The following RHOG variants were observed in gnomAD, a reference collection of about 807,000 sequenced individuals.
RHOG encodes rho-related GTP-binding protein RhoG.
A neutral mutation model predicts 12.3 loss-of-function variants in RHOG; 1 was observed. That is an observed-to-expected ratio of 0.08 (90% CI 0.03 to 0.39). The LOEUF is 0.39. Ranked by LOEUF, RHOG falls within the 10% of genes least tolerant of loss-of-function variation. The pLI, the probability that RHOG is intolerant of heterozygous loss-of-function variation, is 0.99. For synonymous variants in RHOG, 129 were observed against 116.0 expected (o/e 1.11, Z -0.72); for missense variants, 114 against 266.2 (o/e 0.43, Z 3.98).
At chr11:3,830,591 G>A (rs1171865946) in intron 1 of RHOG, 3 of 151,954 alleles carry the variant, frequency 2.0e-5, no homozygotes, top group Non-Finnish European at 2.9e-5. Context: ...GGGTGGTCAA[G>A]GCTGCAGTGG....
Position 3,827,157 on chromosome 11 carries a change from C to T in RHOG, c.*406G>A, listed in dbSNP as rs554937920. ...GAGAAGGGAGAGAGCATCTTGGGGG[C>T]GCAATTCCAAGAGCAGCGAGGGCAG... On this transcript the variant is annotated 3_prime_UTR_variant, in exon 2 of 2. Coordinates refer to ENST00000351018, the MANE Select transcript of RHOG (RefSeq NM_001665.4). The surrounding 1 kb of genome is among the most constrained non-coding windows in gnomAD (Gnocchi z 7.3). 9 of 203,882 alleles carry T rather than the reference C, an allele frequency of 4.4e-5. No individual in the cohort carries two copies. Among genetic ancestry groups the T allele is most frequent in the East Asian group, 2.4e-4 (2 of 8,370 alleles). 12.6% of individuals were successfully genotyped at this position (203,882 alleles called of 1,614,324 possible). A position where few individuals can be genotyped will look rare whatever the true frequency, so the allele number is the denominator to read the frequency against.
At chr11:3,840,103 T>C (rs1257071172) in intron 1 of RHOG, among the ~76,000 whole-genome samples, 3 of 152,178 alleles carry the variant, frequency 2.0e-5, no homozygotes, top group South Asian at 2.1e-4. Context: ...TGGTTCTCAA[T>C]TGTCCCCAAA....
chr11:3,836,052 TAA>T (rs58765611), intron 1 of RHOG, among the ~76,000 whole-genome samples: 285 of 142,470 alleles, frequency 2.0e-3, no homozygotes, highest in Middle Eastern at 7.1e-3. Context: ...TTCCTAGCCT[TAA>T]AAAAAAAAAA....
chr11:3,839,352 C>T (rs990052820), intron 1 of RHOG, among the ~76,000 whole-genome samples: 4 of 152,130 alleles, frequency 2.6e-5, no homozygotes, highest in Non-Finnish European at 5.9e-5. Flanking sequence ...CTTCCTCCTG[C>T]CTAACCACAA....
intron 1 of RHOG, among the ~76,000 whole-genome samples, chr11:3,840,132 T>C (rs113601847): frequency 1.4e-4 from 21 of 152,250 alleles, no homozygotes; most frequent in African/African-American, 5.1e-4. Context: ...CAAAAACTTG[T>C]CAGGGACTAT....
chr11:3,834,159 G>C lies in RHOG; in HGVS notation c.-68-5953C>G, dbSNP rs568644470. Among the ~76,000 whole-genome samples, 20 of 152,318 alleles carry C rather than the reference G, an allele frequency of 1.3e-4. No homozygotes were observed. In the East Asian group the frequency reaches 3.9e-3, roughly 29 times the overall value. The stretch of plus-strand genomic sequence containing the variant: ...GCTGGTCTTGAACACCTGGCCTCAA[G>C]TGATCCACCTGCCTTGGCCTCTGAA... On this transcript the variant is annotated intron_variant, in intron 1 of 1. Coordinates refer to ENST00000351018, the MANE Select transcript of RHOG (RefSeq NM_001665.4).
rs1279916296 is a variant in RHOG at position 3,830,095 on chromosome 11, G to A, written c.-68-1889C>T. On this transcript the variant is annotated intron_variant, in intron 1 of 1. Transcript: ENST00000351018. ...CTAGGAAGGATGAAGTCAAGAGTAA[G>A]ACAAAAACTTGACTTTCCCCTCAAT... Among the ~76,000 whole-genome samples the A allele has an allele frequency of 5.9e-5, 9 of 152,278 alleles. No individual in the cohort carries two copies. The East Asian group carries it at 1.4e-3, about 23-fold the overall frequency.
rs749209804 is a variant in RHOG, at chr11:3,827,884, G to A, written c.255C>T (p.Ala85=). The A allele has an allele frequency of 1.9e-6, 3 of 1,614,262 alleles. No homozygotes were observed. Among genetic ancestry groups the A allele is most frequent in the Middle Eastern group, 1.6e-4 (1 of 6,062 alleles). ...GCACGTTCTCATAGGACGGCGGACT[G>A]GCAATGGAGAAACAGATGACGAAAA... ...TNVFVICFSI[A]SPPSYENVRH... is the part of the protein sequence containing the mutation. The change falls in exon 2 of 2, where the codon GCC becomes GCT. Residue 85 remains alanine (A), a synonymous_variant. Transcript: ENST00000351018. This position sits in a 1 kb window ranked among gnomAD's most constrained non-coding sequence, Gnocchi z 7.3.
intron 1 of RHOG, among the ~76,000 whole-genome samples, chr11:3,837,223 GGGGTTTCCACAA>G (rs2090163215): frequency 6.6e-6 from 1 of 152,142 alleles, no homozygotes; most frequent in Non-Finnish European, 1.5e-5. Flanking sequence ...GAGGCCTGAG[GGGGTTTCCACAA>G]GGGAAAATAA....
At chr11:3,831,951 C>T (rs1420479357) in intron 1 of RHOG, among the ~76,000 whole-genome samples, 1 of 152,138 alleles carries the variant, frequency 6.6e-6, no homozygotes, top group Non-Finnish European at 1.5e-5. Context: ...TGGTTATCAA[C>T]TAGCAATCAG....
chr11:3,836,163 G>A (rs1404439903), intron 1 of RHOG, among the ~76,000 whole-genome samples: 1 of 151,684 alleles, frequency 6.6e-6, no homozygotes, highest in Non-Finnish European at 1.5e-5. Flanking sequence ...AACCAGCCTG[G>A]CCAACATGGT....
rs746656564 is a variant in RHOG, at chr11:3,828,168, T to G, written c.-30A>C. On this transcript the variant is annotated 5_prime_UTR_variant, in exon 2 of 2. Coordinates refer to ENST00000351018, the MANE Select transcript of RHOG (RefSeq NM_001665.4). ...GGTGCAGTTGCTGTAGTGGAGGCAG[T>G]GCCTCCTCTCTCTTCTGGACCCCTC... is the stretch of plus-strand genomic sequence containing the variant. 2 of 1,588,776 alleles carry G rather than the reference T, an allele frequency of 1.3e-6. No individual in the cohort carries two copies. The highest frequency in any genetic ancestry group is 1.7e-6 in the Non-Finnish European group (2 of 1,162,582).
intron 1 of RHOG, among the ~76,000 whole-genome samples, chr11:3,838,138 G>A (rs1185183139): frequency 6.6e-6 from 1 of 152,206 alleles, no homozygotes; most frequent in Non-Finnish European, 1.5e-5. Context: ...TTCAGTGTGG[G>A]CCTGAGCCCC....
chr11:3,831,167 G>C (rs904546417), intron 1 of RHOG, among the ~76,000 whole-genome samples: 1 of 152,048 alleles, frequency 6.6e-6, no homozygotes, highest in Non-Finnish European at 1.5e-5. Flanking sequence ...CCCCAGCCTG[G>C]GCTCTCACCA....
intron 1 of RHOG, among the ~76,000 whole-genome samples, chr11:3,834,462 G>T (rs151160951): frequency 2.8e-4 from 43 of 152,192 alleles, no homozygotes; most frequent in African/African-American, 9.4e-4. Context: ...GCCCAGTATC[G>T]GACACTCCCT....
Position 3,827,332 on chromosome 11 carries a change from A to C in RHOG, c.*231T>G. 1.3e-5 allele frequency: 7 copies of C among 553,140 alleles called. No individual in the cohort carries two copies. Among genetic ancestry groups the C allele is most frequent in the Non-Finnish European group, 1.3e-5 (4 of 309,422 alleles). 34.3% of individuals were successfully genotyped at this position (553,140 alleles called of 1,614,324 possible). On this transcript the variant is annotated 3_prime_UTR_variant, in exon 2 of 2. Coordinates refer to ENST00000351018, the MANE Select transcript of RHOG (RefSeq NM_001665.4). The surrounding 1 kb of genome is among the most constrained non-coding windows in gnomAD (Gnocchi z 7.3). ...GGGGAGGGGTCCAACCTTGGCTTGGATGAGCTCATGAGAATACCCAGTGTT... is the reference window on the plus strand; with the variant it reads ...GGGGAGGGGTCCAACCTTGGCTTGGCTGAGCTCATGAGAATACCCAGTGTT...
chr11:3,832,748 C>CCATA (rs1317198431), intron 1 of RHOG, among the ~76,000 whole-genome samples: 4 of 152,192 alleles, frequency 2.6e-5, no homozygotes, highest in African/African-American at 9.7e-5. Context: ...GAATAAGTTA[C>CCATA]CATAGCCCAT....
chr11:3,835,438 G>A (rs1451724), intron 1 of RHOG, among the ~76,000 whole-genome samples: 59,388 of 151,920 alleles, frequency 0.39, 12,877 homozygotes, highest in East Asian at 0.52. Context: ...GCTTCAGGGG[G>A]AGGGTAGTCT....
intron 1 of RHOG, among the ~76,000 whole-genome samples, chr11:3,838,287 A>G (rs2090168475): frequency 1.3e-5 from 2 of 152,146 alleles, no homozygotes; most frequent in African/African-American, 2.4e-5. Context: ...ATTTTTTCCA[A>G]TGATGCCTTT....
Sources: gnomAD v4.1 joint callset for allele counts (sites outside exome capture counted in the v4.1 genomes callset) on GRCh38, gnomAD v4.1.1 for gene constraint, Gnocchi (gnomAD v3.1) non-coding constraint, MANE v1.5 for transcripts, NCBI Gene and HGNC (gene_info 2026-07-23, HGNC 2026-07-21) for gene names.